MARCHF3: variants seen among roughly 807,000 people sequenced by gnomAD.
MARCHF3 encodes the protein E3 ubiquitin-protein ligase MARCHF3.
MARCHF3 carries 13 observed loss-of-function variants against 24.2 expected under a neutral mutation model. The ratio of observed to expected loss-of-function variants is 0.54; its 90% CI spans 0.35 to 0.85. The LOEUF is 0.85. MARCHF3 is among the 40% of genes least tolerant of loss of function. The pLI, the probability that MARCHF3 is intolerant of heterozygous loss-of-function variation, is 0.01. For missense variants in MARCHF3, 276 were observed against 325.0 expected (o/e 0.85, Z 1.16); for synonymous variants, 144 against 137.3 (o/e 1.05, Z -0.34).
chr5:126,918,096 T>G lies in MARCHF3; in HGVS notation c.76A>C (p.Thr26Pro). The change falls in exon 2 of 5, where the codon ACG becomes CCG. Residue 26 changes from threonine to proline, a missense_variant. By Grantham distance (38) the Thr-to-Pro change is conservative. Coordinates refer to ENST00000308660, the MANE Select transcript of MARCHF3 (RefSeq NM_178450.5). ...ACTAGGCTGCCACAATCCTCCACCG[T>G]CTTCACCACGGGTGCAGCTGAGCTG... is the stretch of plus-strand genomic sequence containing the variant. ...CTSSAAPVVK[T>P]VEDCGSLVNG... 1 of 1,614,218 alleles carries G rather than the reference T, an allele frequency of 6.2e-7. No homozygotes were observed. The highest frequency in any genetic ancestry group is 2.2e-5 in the East Asian group (1 of 44,886).
intron 1 of MARCHF3, among the ~76,000 whole-genome samples, chr5:127,013,218 A>G (rs1752525882): frequency 6.6e-6 from 1 of 152,188 alleles, no homozygotes; most frequent in Admixed American, 6.5e-5. Flanking sequence ...GTGTGTATCC[A>G]TCATGGACTC....
intron 1 of MARCHF3, among the ~76,000 whole-genome samples, chr5:126,967,243 T>TA (rs1750850793): frequency 6.6e-6 from 1 of 152,128 alleles, no homozygotes; most frequent in Non-Finnish European, 1.5e-5. Context: ...TGTTAAAACT[T>TA]ACAGATGCCC....
chr5:126,906,956 G>A (rs1332545091), intron 3 of MARCHF3, among the ~76,000 whole-genome samples: 1 of 151,786 alleles, frequency 6.6e-6, no homozygotes, highest in African/African-American at 2.4e-5. Context: ...TGGGCATTTA[G>A]TGCTATAAAT....
chr5:126,930,329 T>C (rs1198465861), intron 1 of MARCHF3, among the ~76,000 whole-genome samples: 1 of 152,190 alleles, frequency 6.6e-6, no homozygotes, highest in Non-Finnish European at 1.5e-5. Flanking sequence ...TCAACAACTT[T>C]CTATATTTAC....
chr5:127,026,477 G>C lies in MARCHF3; in HGVS notation c.-57+3873C>G, dbSNP rs368591207. ...TCTGGGTCAAGACTGTCTGGTTAAGGTCAGGGTCATTGAACTAATTATTAT... is the reference window on the plus strand; with the variant it reads ...TCTGGGTCAAGACTGTCTGGTTAAGCTCAGGGTCATTGAACTAATTATTAT... On this transcript the variant is annotated intron_variant, in intron 1 of 4. Coordinates refer to ENST00000308660, the MANE Select transcript of MARCHF3 (RefSeq NM_178450.5). 9.8e-5 allele frequency among the ~76,000 whole-genome samples: 15 copies of C among 152,324 alleles called. No individual in the cohort carries two copies. In the East Asian group the frequency reaches 1.5e-3, roughly 16 times the overall value.
chr5:126,878,233 C>T lies in MARCHF3; in HGVS notation c.555G>A (p.Leu185=). ...TGAAGAGTGCGACAGTGAGTGCAAT[C>T]AGTCCGACGGCTTCCAGCCGACTAC... ...HFSSRLEAVG[L]IALTVALFTI... is the part of the protein sequence containing the mutation. Residue 185 remains leucine (L), a synonymous_variant, in exon 4 of 5, where the codon CTG becomes CTA. Coordinates refer to ENST00000308660, the MANE Select transcript of MARCHF3 (RefSeq NM_178450.5). 1 of 1,614,248 alleles carries T rather than the reference C, an allele frequency of 6.2e-7. No individual in the cohort carries two copies. The highest frequency in any genetic ancestry group is 8.5e-7 in the Non-Finnish European group (1 of 1,180,044).
intron 1 of MARCHF3, among the ~76,000 whole-genome samples, chr5:126,962,949 T>C (rs1392679367): frequency 6.6e-6 from 1 of 152,038 alleles, no homozygotes; most frequent in Non-Finnish European, 1.5e-5. Flanking sequence ...TTTATAATGA[T>C]TTTTTCATGA....
At chr5:126,903,852 G>A (rs1051722632) in intron 3 of MARCHF3, among the ~76,000 whole-genome samples, 2 of 151,906 alleles carry the variant, frequency 1.3e-5, no homozygotes, top group Non-Finnish European at 2.9e-5. Flanking sequence ...CAGGGTACAT[G>A]TGCACAATGG....
chr5:126,933,776 C>T (rs1310398365), intron 1 of MARCHF3, among the ~76,000 whole-genome samples: 2 of 152,080 alleles, frequency 1.3e-5, no homozygotes, highest in Non-Finnish European at 2.9e-5. Context: ...CCCTTAAATG[C>T]TTTTGATTTA....
At chr5:126,922,898 C>T (rs1369603638) in intron 1 of MARCHF3, among the ~76,000 whole-genome samples, 7 of 152,176 alleles carry the variant, frequency 4.6e-5, no homozygotes, top group Non-Finnish European at 5.9e-5. Context: ...ACCTCTACCA[C>T]GATGTACCTT....
At chr5:127,013,066 GT>G (rs1752519584) in intron 1 of MARCHF3, among the ~76,000 whole-genome samples, 1 of 152,160 alleles carries the variant, frequency 6.6e-6, no homozygotes, top group African/African-American at 2.4e-5. Context: ...CTAGAAAGCA[GT>G]TGCTTTCTAG....
chr5:126,946,523 A>C (rs552485262), intron 1 of MARCHF3, among the ~76,000 whole-genome samples: 1 of 152,256 alleles, frequency 6.6e-6, no homozygotes, highest in South Asian at 2.1e-4. Flanking sequence ...AAGAAGCATG[A>C]AAGCCCTTGC....
At chr5:126,938,216 G>T (rs192354191) in intron 1 of MARCHF3, among the ~76,000 whole-genome samples, 1 of 145,138 alleles carries the variant, frequency 6.9e-6, no homozygotes, top group African/African-American at 2.6e-5. Flanking sequence ...CGCCCAGGCT[G>T]GGGTACAGAG....
intron 3 of MARCHF3, among the ~76,000 whole-genome samples, chr5:126,878,833 G>A (rs964504345): frequency 6.6e-6 from 1 of 152,206 alleles, no homozygotes; most frequent in South Asian, 2.1e-4. Flanking sequence ...AGACAGGCCT[G>A]TTTTTAGGAC....
chr5:127,027,526 G>A (rs764847206), intron 1 of MARCHF3, among the ~76,000 whole-genome samples: 2 of 152,150 alleles, frequency 1.3e-5, no homozygotes, highest in Admixed American at 6.5e-5. Context: ...GGACCCCACC[G>A]AACTCAGAGT....
At chr5:127,022,296 C>T (rs566101498) in intron 1 of MARCHF3, among the ~76,000 whole-genome samples, 193 of 152,098 alleles carry the variant, frequency 1.3e-3, no homozygotes, top group African/African-American at 4.2e-3. Context: ...GCATTACTCT[C>T]GAAGGGAAAA....
At chr5:126,998,297 G>A (rs1410240054) in intron 1 of MARCHF3, among the ~76,000 whole-genome samples, 2 of 152,220 alleles carry the variant, frequency 1.3e-5, no homozygotes, top group Non-Finnish European at 2.9e-5. Flanking sequence ...AACAGAAAGT[G>A]CTGACTTATG....
At chr5:126,968,812 C>T (rs1750902411) in intron 1 of MARCHF3, among the ~76,000 whole-genome samples, 1 of 152,176 alleles carries the variant, frequency 6.6e-6, no homozygotes, top group South Asian at 2.1e-4. Context: ...ACCCAGGCCT[C>T]CCAAAGTGCT....
chr5:126,937,398 T>C (rs1749680927), intron 1 of MARCHF3, among the ~76,000 whole-genome samples: 1 of 152,234 alleles, frequency 6.6e-6, no homozygotes, highest in Admixed American at 6.5e-5. Flanking sequence ...ACAGAAGTCA[T>C]ATTCTTGCTA....
Sources: gnomAD v4.1 joint callset for allele counts (sites outside exome capture counted in the v4.1 genomes callset) on GRCh38, gnomAD v4.1.1 for gene constraint, MANE v1.5 for transcripts, NCBI Gene and HGNC (gene_info 2026-07-23, HGNC 2026-07-21) for gene names.